Variants in DLG2 observed in about 807,000 individuals in gnomAD.
The protein encoded by DLG2 is discs large MAGUK scaffold protein 2.
A neutral mutation model predicts 132.5 loss-of-function variants in DLG2; 45 were observed. The observed-to-expected ratio is 0.34, with a 90% CI of 0.27 to 0.44. The LOEUF (loss-of-function observed/expected upper bound fraction) is 0.44. Among genes scored for constraint, DLG2 ranks in the 20% least tolerant of loss-of-function variants. The probability of loss-of-function intolerance (pLI) is 1.00; values close to 1 mark genes in which losing one functional copy is unlikely to be tolerated. For synonymous variants in DLG2, 424 were observed against 419.6 expected (o/e 1.01, Z -0.13); for missense variants, 1,045 against 1,196.9 (o/e 0.87, Z 1.87).
intron 6 of DLG2, among the ~76,000 whole-genome samples, chr11:85,089,311 T>A (rs780390998): frequency 2.6e-5 from 4 of 152,154 alleles, no homozygotes; most frequent in Non-Finnish European, 4.4e-5. Flanking sequence ...TAGACCCTAG[T>A]ATTTATTGTC....
At chr11:85,602,380 CT>C (rs2080224683) in intron 2 of DLG2, among the ~76,000 whole-genome samples, 1 of 152,172 alleles carries the variant, frequency 6.6e-6, no homozygotes, top group African/African-American at 2.4e-5. Context: ...CTCCTACAGT[CT>C]TTTCTCTTTT....
intron 3 of DLG2, among the ~76,000 whole-genome samples, chr11:85,518,904 G>T (rs2094221775): frequency 6.6e-6 from 1 of 152,204 alleles, no homozygotes. Flanking sequence ...TGTTGCTTCA[G>T]AGGGTAGAAG....
chr11:85,111,536 T>C, intron 6 of DLG2, 125 bp downstream of exon 6: 3 of 671,264 alleles, frequency 4.5e-6, no homozygotes, highest in African/African-American at 1.9e-5. Context: ...TTATTCTTTC[T>C]CCTTGCAAAA....
intron 6 of DLG2, among the ~76,000 whole-genome samples, chr11:84,823,124 TA>T (rs552662022): frequency 1.1e-3 from 166 of 151,964 alleles, no homozygotes; most frequent in South Asian, 1.9e-3. Context: ...AGGTGTTCAA[TA>T]AACACTCATC....
chr11:83,874,351 C>A (rs945970087), intron 16 of DLG2, 69 bp downstream of exon 16: 7 of 1,099,642 alleles, frequency 6.4e-6, no homozygotes, highest in South Asian at 2.1e-5. Flanking sequence ...GAGACAGAGA[C>A]AGGGAGAGAA....
chr11:84,447,760 A>T (rs1411820551), intron 7 of DLG2, among the ~76,000 whole-genome samples: 2 of 152,104 alleles, frequency 1.3e-5, no homozygotes, highest in Non-Finnish European at 2.9e-5. Context: ...ATGGGTCCTA[A>T]ACTTATATAG....
At chr11:84,819,028 G>A (rs1219120734) in intron 6 of DLG2, among the ~76,000 whole-genome samples, 1 of 141,886 alleles carries the variant, frequency 7.0e-6, no homozygotes, top group African/African-American at 2.6e-5. Context: ...ACTCCACCAG[G>A]GCCTTTTTAC....
At chr11:83,892,829 C>T (rs1054009207) in intron 15 of DLG2, among the ~76,000 whole-genome samples, 1 of 152,078 alleles carries the variant, frequency 6.6e-6, no homozygotes, top group Admixed American at 6.6e-5. Context: ...CATTTGTTAC[C>T]ACCTGGTATA....
intron 7 of DLG2, among the ~76,000 whole-genome samples, chr11:84,440,782 C>G (rs2099014874): frequency 6.6e-6 from 1 of 152,178 alleles, no homozygotes; most frequent in African/African-American, 2.4e-5. Flanking sequence ...CCTCAACACA[C>G]ACACTATGTG....
intron 5 of DLG2, among the ~76,000 whole-genome samples, chr11:85,115,730 C>T (rs1294830739): frequency 6.6e-6 from 1 of 151,828 alleles, no homozygotes; most frequent in Non-Finnish European, 1.5e-5. Flanking sequence ...GCGTTACAGG[C>T]TAAAGGTAAC....
Position 85,285,072 on chromosome 11 carries a change from T to C in DLG2, c.186+148A>G, listed in dbSNP as rs183806386. 2.6e-5 allele frequency: 16 copies of C among 620,040 alleles called. No individual in the cohort carries two copies. The Admixed American group carries it at 4.9e-4, about 19-fold the overall frequency. The allele number at this position is 620,040 out of a possible 1,614,324, so 38.4% of individuals were successfully genotyped here. A position where few individuals can be genotyped will look rare whatever the true frequency, so the allele number is the denominator to read the frequency against. On this transcript the variant is annotated intron_variant, in intron 4 of 27. Transcript: ENST00000376104. ...ATGTTTTGGAAAAATTGAATTTTCA[T>C]ATATGAAAATTGCATACAGTATGGT...
At chr11:85,226,875 G>A (rs571872663) in intron 4 of DLG2, among the ~76,000 whole-genome samples, 1 of 152,244 alleles carries the variant, frequency 6.6e-6, no homozygotes, top group African/African-American at 2.4e-5. Context: ...CTAGAGCTGA[G>A]TTATTAACCA....
rs553884181 is a variant in DLG2 at position 85,182,446 on chromosome 11, G to T, written c.187-27795C>A. ...TAATTGGCAAGGAAATACTAAATCA[G>T]TTAGTTGTTCTAGAATTGAACCACT... is the stretch of plus-strand genomic sequence containing the variant. On this transcript the variant is annotated intron_variant, in intron 4 of 27. Transcript: ENST00000376104. Among the ~76,000 whole-genome samples, 15 of 152,000 alleles carry T rather than the reference G, an allele frequency of 9.9e-5. No individual in the cohort carries two copies. In the South Asian group the frequency reaches 2.5e-3, roughly 25 times the overall value.
intron 4 of DLG2, among the ~76,000 whole-genome samples, chr11:85,171,000 TAGA>T (rs1194601493): frequency 6.7e-6 from 1 of 150,096 alleles, no homozygotes; most frequent in African/African-American, 2.4e-5. Flanking sequence ...CAAATACACG[TAGA>T]AGAAATGAGG....
At chr11:85,601,732 C>T (rs1056285579) in intron 2 of DLG2, among the ~76,000 whole-genome samples, 2 of 152,148 alleles carry the variant, frequency 1.3e-5, no homozygotes, top group African/African-American at 4.8e-5. Flanking sequence ...TCCAGCACAC[C>T]ATTATTTCCA....
intron 15 of DLG2, among the ~76,000 whole-genome samples, chr11:83,893,747 T>A (rs935528833): frequency 1.1e-4 from 16 of 152,238 alleles, no homozygotes; most frequent in African/African-American, 3.6e-4. Context: ...TTTAATGCCA[T>A]GATTCCAGTC....
rs182689274 is a variant in DLG2 at position 84,241,913 on chromosome 11, G to C, written c.573+9325C>G. The stretch of plus-strand genomic sequence containing the variant: ...TTTGGGGAGGAGCTGGAGATCCCAC[G>C]ATTCTAACAACCTGACCTGTGAGAC... On this transcript the variant is annotated intron_variant, in intron 8 of 27. Transcript: ENST00000376104. Among the ~76,000 whole-genome samples the C allele has an allele frequency of 2.0e-5, 3 of 152,254 alleles. No individual in the cohort carries two copies. In the East Asian group the frequency reaches 5.8e-4, roughly 29 times the overall value.
At chr11:85,463,649 T>C (rs1452302601) in intron 3 of DLG2, among the ~76,000 whole-genome samples, 1 of 152,144 alleles carries the variant, frequency 6.6e-6, no homozygotes, top group Non-Finnish European at 1.5e-5. Context: ...TGTGCATCTA[T>C]AATCCCAGCT....
At chr11:83,487,642 C>T (rs1056180424) in intron 21 of DLG2, among the ~76,000 whole-genome samples, 1 of 152,048 alleles carries the variant, frequency 6.6e-6, no homozygotes, top group African/African-American at 2.4e-5. Context: ...TAAGTGATAT[C>T]ACAGTGTGTT....
Sources: gnomAD v4.1 joint callset for allele counts (sites outside exome capture counted in the v4.1 genomes callset) on GRCh38, gnomAD v4.1.1 for gene constraint, MANE v1.5 for transcripts, NCBI Gene and HGNC (gene_info 2026-07-23, HGNC 2026-07-21) for gene names.